ACAT2: variants seen among roughly 807,000 people sequenced by gnomAD.
ACAT2 encodes the protein acetyl-CoA acetyltransferase, cytosolic.
Under a neutral mutation model 37.1 loss-of-function variants are expected in ACAT2, and 26 were observed. The observed-to-expected ratio is 0.70, with a 90% CI of 0.51 to 0.97. The LOEUF is 0.97. Ranked by LOEUF, ACAT2 falls within the 50% of genes least tolerant of loss-of-function variation. The pLI, the probability that ACAT2 is intolerant of heterozygous loss-of-function variation, is 0.00. For synonymous variants in ACAT2, 156 were observed against 163.6 expected, an observed-to-expected ratio of 0.95 and a Z score of 0.35; for missense variants, 468 against 489.0, an observed-to-expected ratio of 0.96 and a Z score of 0.40.
rs1780498748 is a variant in ACAT2 at position 159,778,837 on chromosome 6, A to C, written c.*8A>C. Reference sequence around the variant, plus strand: ...TGTGTTCAGAGAGAATGAATTGCTTAAACTTTGAACAACCTCAATTTCTTT... The same window carrying C: ...TGTGTTCAGAGAGAATGAATTGCTTCAACTTTGAACAACCTCAATTTCTTT... On this transcript the variant is annotated 3_prime_UTR_variant, in exon 9 of 9. Coordinates refer to ENST00000367048, the MANE Select transcript of ACAT2 (RefSeq NM_005891.3). 1.9e-6 allele frequency: 3 copies of C among 1,614,078 alleles called. No individual in the cohort carries two copies. Among genetic ancestry groups the C allele is most frequent in the Non-Finnish European group, 2.5e-6 (3 of 1,179,944 alleles).
At chr6:159,766,920 C>T (rs1452635848) in intron 2 of ACAT2, 85 bp from the exon 3 acceptor site, 4 of 1,548,232 alleles carry the variant, frequency 2.6e-6, no homozygotes, top group African/African-American at 1.4e-5. Flanking sequence ...GCAGGTAACC[C>T]AACTGGCAAT....
intron 4 of ACAT2, among the ~76,000 whole-genome samples, chr6:159,771,991 C>T (rs950601581): frequency 1.3e-5 from 2 of 152,204 alleles, no homozygotes; most frequent in African/African-American, 4.8e-5. Context: ...TTTGGGAGGC[C>T]GAGGCGGGCG....
At chr6:159,770,166 G>A (rs1254551065) in intron 4 of ACAT2, among the ~76,000 whole-genome samples, 1 of 152,098 alleles carries the variant, frequency 6.6e-6, no homozygotes, top group Non-Finnish European at 1.5e-5. Flanking sequence ...GACTGCTTGT[G>A]GAAACAAAAC....
intron 4 of ACAT2, 59 bp downstream of exon 4, chr6:159,768,687 T>G: frequency 1.6e-6 from 2 of 1,229,498 alleles, no homozygotes. Context: ...GACCATATAC[T>G]AATCTGCTTC....
chr6:159,762,482 A>G (rs1274811489), intron 1 of ACAT2: 1 of 1,313,986 alleles, frequency 7.6e-7, no homozygotes, highest in South Asian at 1.5e-5. Context: ...CGCCATCGGT[A>G]ATGCCTGCGG....
At chr6:159,773,402 A>G (rs1780367995) in intron 4 of ACAT2, among the ~76,000 whole-genome samples, 1 of 152,200 alleles carries the variant, frequency 6.6e-6, no homozygotes, top group Admixed American at 6.5e-5. Context: ...TTTATCCACT[A>G]AAAGGAACTA....
At chr6:159,778,020 ATG>A (rs1318744778) in intron 7 of ACAT2, 148 bp from the exon 8 acceptor site, 2 of 548,102 alleles carry the variant, frequency 3.6e-6, no homozygotes, top group Non-Finnish European at 3.2e-6. Flanking sequence ...TAAGGCAAAA[ATG>A]TGTGAGAATG....
intron 5 of ACAT2, 59 bp downstream of exon 5, chr6:159,775,372 A>G: frequency 3.2e-6 from 5 of 1,562,052 alleles, no homozygotes; most frequent in Non-Finnish European, 4.4e-6. Context: ...TAACATCTAA[A>G]AGAGTAATAC....
chr6:159,777,161 T>C (rs1780434280), intron 6 of ACAT2, 141 bp from the exon 7 acceptor site: 5 of 966,498 alleles, frequency 5.2e-6, no homozygotes, highest in South Asian at 1.7e-5. Flanking sequence ...ATAATTTCTA[T>C]GTAAAGTCTG....
chr6:159,765,586 T>C (rs1175727830), intron 2 of ACAT2, among the ~76,000 whole-genome samples: 1 of 151,702 alleles, frequency 6.6e-6, no homozygotes, highest in Non-Finnish European at 1.5e-5. Context: ...TGCACCACCA[T>C]GCCCAGCTAA....
At position 159,775,271 on chromosome 6, in the gene ACAT2, T is replaced by G. The variant is rs1426980897; in HGVS notation, c.592T>G (p.Phe198Val). 6.2e-7 allele frequency: 1 copy of G among 1,614,170 alleles called. No homozygotes were observed. Among genetic ancestry groups the G allele is most frequent in the East Asian group, 2.2e-5 (1 of 44,886 alleles). ...RTENAQKAGHFDKEIVPVLVS... is the reference protein window; with the variant it reads ...RTENAQKAGHVDKEIVPVLVS... ...AGAGAATGCACAGAAAGCTGGCCATTTTGACAAAGAGATTGTACCAGTTTT... is the reference window on the plus strand; with the variant it reads ...AGAGAATGCACAGAAAGCTGGCCATGTTGACAAAGAGATTGTACCAGTTTT... Residue 198 changes from phenylalanine to valine, a missense_variant, in exon 5 of 9, where the codon TTT becomes GTT. Phe to Val is a conservative substitution (Grantham distance 50). Coordinates refer to ENST00000367048, the MANE Select transcript of ACAT2 (RefSeq NM_005891.3).
At chr6:159,766,784 A>G (rs187667748) in intron 2 of ACAT2, among the ~76,000 whole-genome samples, 32 of 152,340 alleles carry the variant, frequency 2.1e-4, no homozygotes, top group Admixed American at 1.4e-3. Context: ...GCTTATATCT[A>G]TGAAATACCT....
chr6:159,775,178 G>T lies in ACAT2; in HGVS notation c.499G>T (p.Val167Leu). 1.2e-6 allele frequency: 2 copies of T among 1,613,324 alleles called. No homozygotes were observed. Among genetic ancestry groups the T allele is most frequent in the East Asian group, 2.2e-5 (1 of 44,856 alleles). Residue 167 changes from valine to leucine, a missense_variant, in exon 5 of 9, where the codon GTA (valine) becomes TTA (leucine). By Grantham distance (32) the Val-to-Leu change is conservative. Transcript: ENST00000367048. Reference sequence around the variant, plus strand: ...TTTTTCTCCTTTCCCAGCTGAAAATGTAGCCAAAAAATGGCAAGTGAGTAG... The same window carrying T: ...TTTTTCTCCTTTCCCAGCTGAAAATTTAGCCAAAAAATGGCAAGTGAGTAG... ...NCHMGITAEN[V>L]AKKWQVSRED... is the part of the protein sequence containing the mutation.
chr6:159,773,190 A>G (rs556716127), intron 4 of ACAT2, among the ~76,000 whole-genome samples: 3 of 152,154 alleles, frequency 2.0e-5, no homozygotes, highest in Non-Finnish European at 4.4e-5. Flanking sequence ...ACAAATACGG[A>G]AAGGGAGAAG....
At chr6:159,776,355 C>T (rs1338378652) in intron 6 of ACAT2, 83 bp downstream of exon 6, 1 of 1,479,302 alleles carries the variant, frequency 6.8e-7, no homozygotes, top group Non-Finnish European at 9.0e-7. Context: ...TATTTATATA[C>T]AAAAGTACTA....
intron 4 of ACAT2, among the ~76,000 whole-genome samples, chr6:159,770,016 C>G (rs1228379775): frequency 2.0e-5 from 3 of 152,150 alleles, no homozygotes; most frequent in African/African-American, 7.2e-5. Context: ...TTACTGAACT[C>G]CTTGGACACT....
intron 8 of ACAT2, 139 bp from the exon 9 acceptor site, chr6:159,778,520 T>C: frequency 1.0e-6 from 1 of 990,398 alleles, no homozygotes; most frequent in East Asian, 2.6e-5. Flanking sequence ...AAGGTGTAAA[T>C]TTATTCCTAA....
At chr6:159,778,421 GTTTAA>G (rs1780476696) in intron 8 of ACAT2, 141 bp downstream of exon 8, 2 of 352,226 alleles carry the variant, frequency 5.7e-6, no homozygotes, top group Non-Finnish European at 9.3e-6. Context: ...ACTTCCCAAG[GTTTAA>G]AAAAAAAAAA....
intron 4 of ACAT2, among the ~76,000 whole-genome samples, chr6:159,773,720 T>C (rs1780373357): frequency 6.6e-6 from 1 of 152,198 alleles, no homozygotes; most frequent in Non-Finnish European, 1.5e-5. Flanking sequence ...TGCCCAAGTA[T>C]TGAAAAATTT....
Sources: gnomAD v4.1 joint callset for allele counts (sites outside exome capture counted in the v4.1 genomes callset) on GRCh38, gnomAD v4.1.1 for gene constraint, MANE v1.5 for transcripts, NCBI Gene and HGNC (gene_info 2026-07-23, HGNC 2026-07-21) for gene names.